The following OXR1 variants were observed in gnomAD, a reference collection of about 807,000 sequenced individuals.
OXR1 encodes oxidation resistance 1, also known as oxidation resistance protein 1.
Under a neutral mutation model 104.6 loss-of-function variants are expected in OXR1, and 41 were observed. That is an observed-to-expected ratio of 0.39 (90% CI 0.31 to 0.51). OXR1 has a LOEUF of 0.51. Ranked by LOEUF, OXR1 falls within the 20% of genes least tolerant of loss-of-function variation. OXR1 has a pLI of 0.77. For missense variants in OXR1, 955 were observed against 1,031.9 expected (o/e 0.93, Z 1.02); for synonymous variants, 348 against 348.4 (o/e 1.00, Z 0.01).
At chr8:106,650,235 C>T (rs1389658460) in intron 3 of OXR1, among the ~76,000 whole-genome samples, 1 of 152,170 alleles carries the variant, frequency 6.6e-6, no homozygotes, top group Non-Finnish European at 1.5e-5. Context: ...ATCTTCCCGA[C>T]ATCTCTATAT....
In OXR1 at chr8:106,623,688, G is replaced by C. The variant is rs542514722; in HGVS notation, c.221-55522G>C. ...ACAGTTTCTGAAAGAGGAGGTGGGA[G>C]AGTACCAAAGAGAAATGTGACTTAC... On this transcript the variant is annotated intron_variant, in intron 3 of 16. Coordinates refer to ENST00000517566, the MANE Select transcript of OXR1 (RefSeq NM_001198533.2). 2.6e-5 allele frequency among the ~76,000 whole-genome samples: 4 copies of C among 152,270 alleles called. No individual in the cohort carries two copies. In the East Asian group the frequency reaches 7.7e-4, roughly 29 times the overall value.
intron 3 of OXR1, among the ~76,000 whole-genome samples, chr8:106,557,756 A>C (rs1249457413): frequency 6.6e-6 from 1 of 152,168 alleles, no homozygotes; most frequent in African/African-American, 2.4e-5. Flanking sequence ...TTGTACATAA[A>C]ATCTGCTGTC....
In OXR1 at chr8:106,484,632, C is replaced by A. The variant is rs183560260; in HGVS notation, c.24-34311C>A. ...ATAATACTGAGATACCACTACACAC[C>A]TATTAGAATGGCCAAAGTCCAGAAC... On this transcript the variant is annotated intron_variant, in intron 2 of 16. Coordinates refer to ENST00000517566, the MANE Select transcript of OXR1 (RefSeq NM_001198533.2). Among the ~76,000 whole-genome samples the A allele has an allele frequency of 7.2e-5, 11 of 152,006 alleles. 2 individuals are homozygous for A. In the East Asian group the frequency reaches 1.9e-3, roughly 27 times the overall value.
chr8:106,737,648 GT>G, intron 12 of OXR1, 48 bp downstream of exon 12: 2 of 660,028 alleles, frequency 3.0e-6, no homozygotes, highest in South Asian at 4.2e-5. Flanking sequence ...AATACTCCCT[GT>G]TTTTAGTGTT....
At chr8:106,509,708 T>C (rs2130022117) in intron 2 of OXR1, among the ~76,000 whole-genome samples, 1 of 152,302 alleles carries the variant, frequency 6.6e-6, no homozygotes, top group Admixed American at 6.5e-5. Flanking sequence ...TGAGGTATTA[T>C]TTGGATTTAT....
intron 3 of OXR1, among the ~76,000 whole-genome samples, chr8:106,631,625 G>A (rs904826265): frequency 6.6e-6 from 1 of 152,144 alleles, no homozygotes; most frequent in Non-Finnish European, 1.5e-5. Flanking sequence ...AGAGCAATAA[G>A]TGAACATGTA....
intron 11 of OXR1, among the ~76,000 whole-genome samples, chr8:106,729,373 T>C (rs1833660272): frequency 6.6e-6 from 1 of 152,138 alleles, no homozygotes; most frequent in Non-Finnish European, 1.5e-5. Flanking sequence ...TTCATATATT[T>C]AATGTATCAG....
chr8:106,625,869 C>T (rs898419884), intron 3 of OXR1, among the ~76,000 whole-genome samples: 11 of 151,930 alleles, frequency 7.2e-5, no homozygotes, highest in Admixed American at 1.3e-4. Flanking sequence ...TTATTGTAAA[C>T]GTATATTAGA....
At chr8:106,743,760 A>G (rs766649340) in intron 15 of OXR1, among the ~76,000 whole-genome samples, 13 of 152,220 alleles carry the variant, frequency 8.5e-5, no homozygotes, top group African/African-American at 2.9e-4. Flanking sequence ...TATTTACCCA[A>G]AGGAATGTAA....
intron 4 of OXR1, among the ~76,000 whole-genome samples, chr8:106,682,950 A>G (rs1012714471): frequency 7.2e-5 from 11 of 152,138 alleles, no homozygotes; most frequent in African/African-American, 2.7e-4. Flanking sequence ...TATGTTTTGT[A>G]TTTTGAAATT....
intron 2 of OXR1, among the ~76,000 whole-genome samples, chr8:106,416,283 A>G (rs1818675611): frequency 6.6e-6 from 1 of 152,130 alleles, no homozygotes; most frequent in South Asian, 2.1e-4. Flanking sequence ...AGTGGTGAGT[A>G]ATAAATCTGG....
Position 106,706,587 on chromosome 8 carries a change from G to C in OXR1, c.1066G>C (p.Glu356Gln), listed in dbSNP as rs762886276. 6.2e-7 allele frequency: 1 copy of C among 1,612,488 alleles called. No individual in the cohort carries two copies. The highest frequency in any genetic ancestry group is 1.3e-5 in the African/African-American group (1 of 74,752). ...ACGAGAGGAGCTTGTATCTTCAGAT[G>C]AACTGCGACAAGATAAATCTTCTGG... ...PIREELVSSD[E>Q]LRQDKSSGAS... The change falls in exon 9 of 17, where the codon GAA becomes CAA. Residue 356 changes from glutamate to glutamine, a missense_variant. This residue lies in a region of OXR1 where 849 missense variants were observed against 852.9 expected (regional missense o/e 1.00). Transcript: ENST00000517566.
intron 2 of OXR1, among the ~76,000 whole-genome samples, chr8:106,486,790 T>C (rs537291075): frequency 6.6e-6 from 1 of 152,058 alleles, no homozygotes; most frequent in African/African-American, 2.4e-5. Flanking sequence ...AATTTGTGGG[T>C]TTCCAGTATA....
chr8:106,544,680 G>A (rs570730271), intron 3 of OXR1, among the ~76,000 whole-genome samples: 12 of 152,100 alleles, frequency 7.9e-5, no homozygotes, highest in African/African-American at 2.7e-4. Context: ...CACAAGAGAC[G>A]GATTTTCCCT....
chr8:106,273,275 A>G (rs1198461933), intron 1 of OXR1, among the ~76,000 whole-genome samples: 1 of 152,168 alleles, frequency 6.6e-6, no homozygotes, highest in East Asian at 1.9e-4. Flanking sequence ...AGAAGAAAGT[A>G]AAGGTGGTGA....
chr8:106,430,992 C>T (rs922918701), intron 2 of OXR1, among the ~76,000 whole-genome samples: 4 of 152,116 alleles, frequency 2.6e-5, no homozygotes, highest in Non-Finnish European at 5.9e-5. Context: ...AGAATTGATG[C>T]TCTAAGACTT....
At position 106,751,216 on chromosome 8, in the gene OXR1, C is replaced by G. The variant is rs1310282184; in HGVS notation, c.*275C>G. ...GGCAACATTTTGATTATAATGACAA[C>G]TTCATTTTCACATGTTACTCAGTTC... On this transcript the variant is annotated 3_prime_UTR_variant, in exon 17 of 17. Transcript: ENST00000517566. The G allele has an allele frequency of 4.5e-5, 11 of 246,982 alleles. No homozygotes were observed. Among genetic ancestry groups the G allele is most frequent in the African/African-American group, 2.5e-4 (11 of 44,840 alleles). 15.3% of individuals were successfully genotyped at this position (246,982 alleles called of 1,614,324 possible).
intron 2 of OXR1, among the ~76,000 whole-genome samples, chr8:106,429,804 A>G (rs1819287321): frequency 1.3e-5 from 2 of 152,028 alleles, no homozygotes. Context: ...GTTTGTTTCC[A>G]GACTGATTTT....
At chr8:106,439,441 C>T (rs1254518746) in intron 2 of OXR1, among the ~76,000 whole-genome samples, 2 of 152,056 alleles carry the variant, frequency 1.3e-5, no homozygotes, top group African/African-American at 4.8e-5. Context: ...GCCAGTCTAT[C>T]GTAGTTTGTT....
Sources: allele counts gnomAD v4.1 joint callset (sites outside exome capture counted in the v4.1 genomes callset), GRCh38; gene constraint gnomAD v4.1.1; regional missense constraint gnomAD v4.1.1; transcripts MANE v1.5; gene names NCBI Gene and HGNC (gene_info 2026-07-23, HGNC 2026-07-21).